Variants in COL12A1 observed in about 807,000 individuals in gnomAD.
The protein encoded by COL12A1 is collagen type XII alpha 1 chain, also known as collagen alpha-1(XII) chain.
COL12A1 carries 114 observed loss-of-function variants against 349.7 expected under a neutral mutation model. The ratio of observed to expected loss-of-function variants is 0.33; its 90% confidence interval spans 0.28 to 0.38. COL12A1 has a LOEUF of 0.38. Among genes scored for constraint, COL12A1 ranks in the 10% least tolerant of loss-of-function variants. The probability of loss-of-function intolerance (pLI) is 1.00; values close to 1 mark genes in which losing one functional copy is unlikely to be tolerated. For synonymous variants in COL12A1, 1,369 were observed against 1,329.0 expected, an observed-to-expected ratio of 1.03 and a Z score of -0.66; for missense variants, 3,284 against 3,756.9, an observed-to-expected ratio of 0.87 and a Z score of 3.29.
rs181487991 is a variant in COL12A1, at chr6:75,141,479, C to T, written c.4957+553G>A. Reference sequence around the variant, plus strand: ...GCAGGCTGCCCGGTATCCCCCAGCACTCCACTTACAGTGCAGTCGCCCCTT... The same window carrying T: ...GCAGGCTGCCCGGTATCCCCCAGCATTCCACTTACAGTGCAGTCGCCCCTT... On this transcript the variant is annotated intron_variant, in intron 27 of 65. Coordinates refer to ENST00000322507, the MANE Select transcript of COL12A1 (RefSeq NM_004370.6). 1.2e-3 allele frequency among the ~76,000 whole-genome samples: 183 copies of T among 152,334 alleles called. 1 individual carries two copies. The highest frequency in any genetic ancestry group is 4.3e-3 in the African/African-American group (179 of 41,576).
chr6:75,138,376 T>C, intron 29 of COL12A1, 36 bp from the exon 30 acceptor site: 1 of 1,610,808 alleles, frequency 6.2e-7, no homozygotes, highest in Non-Finnish European at 8.5e-7. Context: ...ACATTACTAA[T>C]ATAGCTGTAG....
At position 75,175,132 on chromosome 6, in the gene COL12A1, T is replaced by A; in HGVS notation, c.2616A>T (p.Gly872=). ...RGDTTNTVLQ[G]LKEGTQYALS... ...AGGCGTATTGTGTCCCTTCCTTCAA[T>A]CCCTGCAGCACCGTATTGGTTGTAT... The change falls in exon 13 of 66, where the codon GGA becomes GGT. Residue 872 remains glycine (G), a synonymous_variant. Transcript: ENST00000322507. The A allele has an allele frequency of 2.5e-6, 4 of 1,614,162 alleles. No homozygotes were observed. The highest frequency in any genetic ancestry group is 3.4e-6 in the Non-Finnish European group (4 of 1,180,032).
intron 14 of COL12A1, among the ~76,000 whole-genome samples, chr6:75,159,156 G>T (rs914223470): frequency 2.6e-5 from 4 of 151,250 alleles, no homozygotes; most frequent in African/African-American, 9.7e-5. Context: ...ATGTATAGAG[G>T]ACAAAGATAA....
At chr6:75,205,339 C>G (rs1012732232) in intron 1 of COL12A1, among the ~76,000 whole-genome samples, 1 of 151,374 alleles carries the variant, frequency 6.6e-6, no homozygotes, top group Non-Finnish European at 1.5e-5. Context: ...GCGGGCCCTC[C>G]AAAGAATTCC....
Position 75,084,983 on chromosome 6 carries a change from A to G in COL12A1, c.*1564T>C. On this transcript the variant is annotated 3_prime_UTR_variant, in exon 66 of 66. Transcript: ENST00000322507. ...TAACAAAGTATTTTGCAAGCATTTC[A>G]AGGGCAAAGGCAAAAATGTCTACAG... The G allele has an allele frequency of 1.0e-5, 3 of 290,966 alleles. No individual in the cohort carries two copies. The highest frequency in any genetic ancestry group is 2.1e-5 in the Non-Finnish European group (3 of 141,970). The allele number at this position is 290,966 out of a possible 1,614,324, so 18.0% of individuals were successfully genotyped here.
chr6:75,144,197 T>C (rs1288858551), intron 25 of COL12A1, among the ~76,000 whole-genome samples: 1 of 152,166 alleles, frequency 6.6e-6, no homozygotes, highest in Admixed American at 6.5e-5. Flanking sequence ...TGACCATATT[T>C]GTTTTTAATC....
intron 60 of COL12A1, among the ~76,000 whole-genome samples, chr6:75,094,306 G>A (rs925328733): frequency 1.3e-5 from 2 of 152,002 alleles, no homozygotes; most frequent in South Asian, 2.1e-4. Context: ...ACTGCTAATA[G>A]TTGGACTTAA....
intron 14 of COL12A1, among the ~76,000 whole-genome samples, chr6:75,160,160 C>G (rs1767964768): frequency 6.6e-6 from 1 of 152,118 alleles, no homozygotes; most frequent in African/African-American, 2.4e-5. Context: ...CACCCTCTCA[C>G]ATTGTAAGTT....
intron 65 of COL12A1, among the ~76,000 whole-genome samples, chr6:75,086,960 C>T (rs187594568): frequency 2.8e-4 from 42 of 152,228 alleles, no homozygotes; most frequent in Middle Eastern, 3.4e-3. Context: ...CCATTGACCA[C>T]AGCATGACTA....
intron 14 of COL12A1, 120 bp downstream of exon 14, chr6:75,165,387 C>T (rs1346091562): frequency 1.5e-6 from 2 of 1,309,744 alleles, no homozygotes; most frequent in Admixed American, 2.2e-5. Context: ...ATCCTAATTC[C>T]TCAGTCTTCA....
intron 45 of COL12A1, 62 bp from the exon 46 acceptor site, chr6:75,119,248 A>G: frequency 6.2e-7 from 1 of 1,612,008 alleles, no homozygotes; most frequent in Non-Finnish European, 8.5e-7. Flanking sequence ...AAATGCCATT[A>G]GTCACACCCA....
rs767302018 is a variant in COL12A1 at position 75,183,057 on chromosome 6, C to T, written c.1884G>A (p.Lys628=). Residue 628 remains lysine (K), a synonymous_variant, in exon 10 of 66, where the codon AAG becomes AAA. Coordinates refer to ENST00000322507, the MANE Select transcript of COL12A1 (RefSeq NM_004370.6). ...LRIEQELAAI[K]KKAYVPPKDL... ...CTCTCAAAGTCTACTAACCTTTCTT[C>T]TTTATAGCTGCCAATTCTTGCTCAA... is the stretch of plus-strand genomic sequence containing the variant. 9 of 1,603,124 alleles carry T rather than the reference C, an allele frequency of 5.6e-6. No homozygotes were observed. The East Asian group carries it at 2.0e-4, about 36-fold the overall frequency.
In COL12A1 at chr6:75,183,554, A is replaced by G; in HGVS notation, c.1387T>C (p.Leu463=). ...IANFVKVRAF[L]EVLVKSFEIS... is the part of the protein sequence containing the mutation. ...TCAAAACTTTTTACAAGAACTTCCA[A>G]AAAGGCTCTAACTTTAACAAAGTTT... Residue 463 remains leucine (L), a synonymous_variant, in exon 10 of 66, where the codon TTG becomes CTG. Coordinates refer to ENST00000322507, the MANE Select transcript of COL12A1 (RefSeq NM_004370.6). 6.2e-7 allele frequency: 1 copy of G among 1,614,204 alleles called. No homozygotes were observed. The highest frequency in any genetic ancestry group is 8.5e-7 in the Non-Finnish European group (1 of 1,180,038).
chr6:75,138,562 C>A lies in COL12A1; in HGVS notation c.5116G>T (p.Glu1706Ter), dbSNP rs767343975. ...AGGTTTTCGAACACCAAAGTGTTTT[C>A]ATCTCCATTTAAGATGGTCTTGGAG... is the stretch of plus-strand genomic sequence containing the variant. ...DKMETILNGD[E>*]NTLVFENLNP... The change falls in exon 29 of 66, where the codon GAA becomes TAA. Residue 1706 changes from glutamate (E) to a stop codon, truncating the protein, a stop_gained. Coordinates refer to ENST00000322507, the MANE Select transcript of COL12A1 (RefSeq NM_004370.6). LOFTEE classifies it high-confidence loss of function. 1.2e-6 allele frequency: 2 copies of A among 1,613,786 alleles called. No homozygotes were observed. The highest frequency in any genetic ancestry group is 1.7e-6 in the Non-Finnish European group (2 of 1,179,878).
At chr6:75,158,693 A>G (rs1767880130) in intron 14 of COL12A1, among the ~76,000 whole-genome samples, 1 of 152,168 alleles carries the variant, frequency 6.6e-6, no homozygotes, top group Non-Finnish European at 1.5e-5. Flanking sequence ...AGAACATATA[A>G]AAAGACTCAA....
intron 14 of COL12A1, among the ~76,000 whole-genome samples, chr6:75,157,131 T>C (rs917055858): frequency 2.6e-5 from 4 of 152,178 alleles, no homozygotes; most frequent in African/African-American, 7.2e-5. Context: ...GTTTGCTTAA[T>C]ATGTAATCAA....
At position 75,147,702 on chromosome 6, in the gene COL12A1, C is replaced by T. The variant is rs760454769; in HGVS notation, c.4390G>A (p.Glu1464Lys). Reference sequence around the variant, plus strand: ...GTTTTTTCTGTCCCCTTCAGAGGCTCACTATATTCATCTTCTACCACAGAA... The same window carrying T: ...GTTTTTTCTGTCCCCTTCAGAGGCTTACTATATTCATCTTCTACCACAGAA... ...VYSVVEDEYS[E>K]PLKGTEKTLP... is the part of the protein sequence containing the mutation. The change falls in exon 23 of 66, where the codon GAG (glutamate) becomes AAG (lysine). Residue 1464 changes from glutamate (E) to lysine (K), a missense_variant. Physicochemically the swap from Glu to Lys is moderately conservative, Grantham distance 56 (BLOSUM62 1). Transcript: ENST00000322507. The T allele has an allele frequency of 1.2e-6, 2 of 1,612,184 alleles. No homozygotes were observed. The highest frequency in any genetic ancestry group is 2.2e-5 in the South Asian group (2 of 90,640).
intron 8 of COL12A1, among the ~76,000 whole-genome samples, chr6:75,187,225 T>C (rs1014507745): frequency 2.0e-5 from 3 of 151,022 alleles, no homozygotes; most frequent in African/African-American, 7.3e-5. Context: ...GCCACAGAGA[T>C]GCCACATGGA....
chr6:75,159,859 AT>A (rs1767947332), intron 14 of COL12A1, among the ~76,000 whole-genome samples: 1 of 152,094 alleles, frequency 6.6e-6, no homozygotes, highest in South Asian at 2.1e-4. Flanking sequence ...TCAAAAAAAA[AT>A]GGGATGCCAA....
Sources: gnomAD v4.1 joint callset for allele counts (sites outside exome capture counted in the v4.1 genomes callset) on GRCh38, gnomAD v4.1.1 for gene constraint, MANE v1.5 for transcripts, NCBI Gene and HGNC (gene_info 2026-07-23, HGNC 2026-07-21) for gene names.